Variants in DENR observed in about 807,000 individuals in gnomAD.
DENR encodes the protein density-regulated protein.
In DENR, 6 loss-of-function variants were observed where a neutral mutation model predicts 30.6. The observed-to-expected ratio is 0.20, with a 90% CI of 0.11 to 0.39. The LOEUF is 0.39. DENR is among the 10% of genes least tolerant of loss of function. The probability of loss-of-function intolerance (pLI) is 1.00; values close to 1 mark genes in which losing one functional copy is unlikely to be tolerated. For synonymous variants in DENR, 78 were observed against 72.1 expected (o/e 1.08, Z -0.41); for missense variants, 141 against 230.9 (o/e 0.61, Z 2.52).
chr12:122,766,305 T>A (rs1313275370), intron 5 of DENR, among the ~76,000 whole-genome samples: 6 of 152,204 alleles, frequency 3.9e-5, no homozygotes, highest in African/African-American at 1.4e-4. Flanking sequence ...TTGTCCCTCC[T>A]TGGTTTCTGT....
chr12:122,767,640 A>G, intron 6 of DENR, 36 bp downstream of exon 6: 1 of 1,238,964 alleles, frequency 8.1e-7, no homozygotes, highest in Non-Finnish European at 1.1e-6. Flanking sequence ...AAATGTGTGA[A>G]CTATTTTCTC....
At chr12:122,767,163 C>A (rs549088425) in intron 5 of DENR, among the ~76,000 whole-genome samples, 2 of 152,280 alleles carry the variant, frequency 1.3e-5, no homozygotes, top group African/African-American at 2.4e-5. Flanking sequence ...TGTTTCTCTG[C>A]AAAGCTATCA....
Position 122,769,944 on chromosome 12 carries a change from G to A in DENR, c.*866G>A, listed in dbSNP as rs1878990706. The A allele has an allele frequency of 6.6e-6, 1 of 152,596 alleles. No homozygotes were observed. Among genetic ancestry groups the A allele is most frequent in the South Asian group, 2.1e-4 (1 of 4,844 alleles). The allele number at this position is 152,596 out of a possible 1,614,324, so 9.5% of individuals were successfully genotyped here. A position where few individuals can be genotyped will look rare whatever the true frequency, so the allele number is the denominator to read the frequency against. ...GAATTTGAATTTGGCTTCCTCACCA[G>A]TAATATGTCTCCTTGCTTCTTTGAT... On this transcript the variant is annotated 3_prime_UTR_variant, in exon 8 of 8. Transcript: ENST00000280557.
intron 2 of DENR, among the ~76,000 whole-genome samples, chr12:122,756,643 A>T (rs1008357468): frequency 1.3e-5 from 2 of 152,146 alleles, no homozygotes; most frequent in Admixed American, 1.3e-4. Context: ...AAAGGAGTGG[A>T]GGTAGGAAAG....
rs1367685047 is a variant in DENR, at chr12:122,762,131, T to C, written c.107-56T>C. The C allele has an allele frequency of 4.3e-6, 5 of 1,164,208 alleles. No homozygotes were observed. The Admixed American group carries it at 1.4e-4, about 33-fold the overall frequency. The allele number at this position is 1,164,208 out of a possible 1,614,324, so 72.1% of individuals were successfully genotyped here. On this transcript the variant is annotated intron_variant, in intron 2 of 7. Coordinates refer to ENST00000280557, the MANE Select transcript of DENR (RefSeq NM_003677.5). ...TATAAAAGTAAGGATAAGCCCTGTG[T>C]ATGTGTGTACATATAGGTTTAACAT...
At chr12:122,763,039 A>T in intron 4 of DENR, 110 bp downstream of exon 4, 1 of 652,356 alleles carries the variant, frequency 1.5e-6, no homozygotes, top group Non-Finnish European at 2.6e-6. Context: ...TACAGAATTA[A>T]CATTTATCTG....
Position 122,768,670 on chromosome 12 carries a change from C to T in DENR, c.413-112C>T. 3 of 936,286 alleles carry T rather than the reference C, an allele frequency of 3.2e-6. No individual in the cohort carries two copies. The South Asian group carries it at 5.5e-5, about 17-fold the overall frequency. 58.0% of individuals were successfully genotyped at this position (936,286 alleles called of 1,614,324 possible). On this transcript the variant is annotated intron_variant, in intron 6 of 7. Transcript: ENST00000280557. ...TATTGTTCTGAAAGGAATATAAAAC[C>T]CATTAACAATCTGTTTTATGATTTT...
intron 2 of DENR, among the ~76,000 whole-genome samples, chr12:122,756,785 A>G (rs1878560842): frequency 1.3e-5 from 2 of 152,222 alleles, no homozygotes; most frequent in Admixed American, 1.3e-4. Context: ...CCTGATTTGT[A>G]GATAATTGTA....
intron 4 of DENR, among the ~76,000 whole-genome samples, chr12:122,764,382 A>G (rs1042816399): frequency 6.6e-6 from 1 of 152,040 alleles, no homozygotes; most frequent in South Asian, 2.1e-4. Flanking sequence ...GGCGGATCAC[A>G]AGGTCAGGAG....
chr12:122,753,172 C>T (rs1378536595), intron 1 of DENR, among the ~76,000 whole-genome samples: 1 of 152,204 alleles, frequency 6.6e-6, no homozygotes, highest in African/African-American at 2.4e-5. Context: ...CCTCATCCTT[C>T]TTACGCTCTG....
chr12:122,767,646 TTC>T lies in DENR; in HGVS notation c.412+50_412+51del, dbSNP rs758664638. 3.3e-5 allele frequency: 39 copies of T among 1,181,456 alleles called. No individual in the cohort carries two copies. In the South Asian group the frequency reaches 5.6e-4, roughly 17 times the overall value. The allele number at this position is 1,181,456 out of a possible 1,614,324, so 73.2% of individuals were successfully genotyped here. On this transcript the variant is annotated intron_variant, in intron 6 of 7. Transcript: ENST00000280557. ...GTATATTTAAAATGTGTGAACTATT[TTC>T]TCTCTCTGTCTCCCTCTATCTCTCT... is the stretch of plus-strand genomic sequence containing the variant.
intron 2 of DENR, among the ~76,000 whole-genome samples, chr12:122,755,395 T>C (rs1302687934): frequency 1.3e-5 from 2 of 152,020 alleles, no homozygotes; most frequent in Non-Finnish European, 2.9e-5. Flanking sequence ...CTGGCCAACA[T>C]AGTGAAACCC....
In DENR at chr12:122,760,956, TAAAA is replaced by T. The variant is rs147428577; in HGVS notation, c.107-1228_107-1225del. On this transcript the variant is annotated intron_variant, in intron 2 of 7. Coordinates refer to ENST00000280557, the MANE Select transcript of DENR (RefSeq NM_003677.5). ...TAGCGAGATCCCGTCTCTACAAAAA[TAAAA>T]AACTTACCTGTACATAGTGGCTCAC... Among the ~76,000 whole-genome samples the T allele has an allele frequency of 8.2e-3, 1,253 of 152,002 alleles. 19 individuals carry two copies. The highest frequency in any genetic ancestry group is 0.027 in the African/African-American group (1,139 of 41,442).
chr12:122,764,461 A>T (rs566201500), intron 4 of DENR, among the ~76,000 whole-genome samples: 1 of 152,122 alleles, frequency 6.6e-6, no homozygotes, highest in African/African-American at 2.4e-5. Context: ...TAGCCGGGCG[A>T]GGTGGCGGGC....
rs527618216 is a variant in DENR at position 122,769,538 on chromosome 12, G to A, written c.*460G>A. On this transcript the variant is annotated 3_prime_UTR_variant, in exon 8 of 8. Transcript: ENST00000280557. ...TCTTTTTTTTTTTTGACAGAGTCTCGCACTGTTGCCTGGGCTGGAATGCAG... is the reference window on the plus strand; with the variant it reads ...TCTTTTTTTTTTTTGACAGAGTCTCACACTGTTGCCTGGGCTGGAATGCAG... The A allele has an allele frequency of 6.3e-5, 59 of 936,914 alleles. No individual in the cohort carries two copies. Among genetic ancestry groups the A allele is most frequent in the Middle Eastern group, 5.4e-4 (1 of 1,868 alleles). The allele number at this position is 936,914 out of a possible 1,614,324, so 58.0% of individuals were successfully genotyped here. A position where few individuals can be genotyped will look rare whatever the true frequency, so the allele number is the denominator to read the frequency against.
chr12:122,760,708 G>A (rs988088008), intron 2 of DENR, among the ~76,000 whole-genome samples: 1 of 152,158 alleles, frequency 6.6e-6, no homozygotes, highest in African/African-American at 2.4e-5. Context: ...TCCGGCCTGG[G>A]TGAAAGAGCA....
At chr12:122,765,146 G>A (rs924122886) in intron 4 of DENR, among the ~76,000 whole-genome samples, 158 bp from the exon 5 acceptor site, 5 of 152,138 alleles carry the variant, frequency 3.3e-5, no homozygotes, top group African/African-American at 1.2e-4. Flanking sequence ...AACTAGACTT[G>A]AATAGAAATC....
At chr12:122,762,287 AT>A in intron 3 of DENR, 81 bp downstream of exon 3, 3 of 975,220 alleles carry the variant, frequency 3.1e-6, no homozygotes, top group East Asian at 2.8e-5. Flanking sequence ...ATTTTTTTTT[AT>A]TTTTCATTTT....
At position 122,757,149 on chromosome 12, in the gene DENR, T is replaced by G. The variant is rs1446127950; in HGVS notation, c.106+3342T>G. On this transcript the variant is annotated intron_variant, in intron 2 of 7. Coordinates refer to ENST00000280557, the MANE Select transcript of DENR (RefSeq NM_003677.5). Reference sequence around the variant, plus strand: ...TAGAAGCGATAGTGACATAGGCATTTTTCTTATCATTCCTTCCCCCTCCCT... The same window carrying G: ...TAGAAGCGATAGTGACATAGGCATTGTTCTTATCATTCCTTCCCCCTCCCT... Among the ~76,000 whole-genome samples the G allele has an allele frequency of 2.0e-5, 3 of 152,192 alleles. No homozygotes were observed. In the East Asian group the frequency reaches 5.8e-4, roughly 29 times the overall value.
Sources: allele counts gnomAD v4.1 joint callset (sites outside exome capture counted in the v4.1 genomes callset), GRCh38; gene constraint gnomAD v4.1.1; transcripts MANE v1.5; gene names NCBI Gene and HGNC (gene_info 2026-07-23, HGNC 2026-07-21).